Variants in SLC2A2 observed in about 807,000 individuals in gnomAD.
SLC2A2 encodes solute carrier family 2, facilitated glucose transporter member 2.
Under a neutral mutation model 54.5 loss-of-function variants are expected in SLC2A2, and 36 were observed. The observed-to-expected ratio is 0.66, with a 90% CI of 0.51 to 0.87. The LOEUF (loss-of-function observed/expected upper bound fraction) is 0.87. Among genes scored for constraint, SLC2A2 ranks in the 40% least tolerant of loss-of-function variants. The pLI, the probability that SLC2A2 is intolerant of heterozygous loss-of-function variation, is 0.00. For missense variants in SLC2A2, 543 were observed against 624.3 expected (o/e 0.87, Z 1.39); for synonymous variants, 223 against 219.1 (o/e 1.02, Z -0.16).
rs915476845 is a variant in SLC2A2, at chr3:171,005,658, G to A, written c.776-186C>T. Reference sequence around the variant, plus strand: ...ATTTAAAAGAAAAATAGAACATTTGGCTTCATCTTATGACAAATAAAACTA... The same window carrying A: ...ATTTAAAAGAAAAATAGAACATTTGACTTCATCTTATGACAAATAAAACTA... On this transcript the variant is annotated intron_variant, in intron 6 of 10. Coordinates refer to ENST00000314251, the MANE Select transcript of SLC2A2 (RefSeq NM_000340.2). 3.1e-4 allele frequency among the ~76,000 whole-genome samples: 47 copies of A among 151,952 alleles called. 1 individual carries two copies. The highest frequency in any genetic ancestry group is 1.0e-3 in the African/African-American group (42 of 41,460).
Position 171,014,436 on chromosome 3 carries a change from TTC to T in SLC2A2, c.371+31_371+32del, listed in dbSNP as rs1716030582. On this transcript the variant is annotated intron_variant, in intron 3 of 10. Transcript: ENST00000314251. ...GTTAGGAAAATGAAAATATGAAAGT[TTC>T]TGTTTATGCTTATTTATGAAATTTG... 2.5e-6 allele frequency: 4 copies of T among 1,608,444 alleles called. No individual in the cohort carries two copies. The East Asian group carries it at 6.7e-5, about 27-fold the overall frequency.
chr3:170,999,296 C>T, intron 8 of SLC2A2, 130 bp from the exon 9 acceptor site: 1 of 709,370 alleles, frequency 1.4e-6, no homozygotes, highest in Non-Finnish European at 2.6e-6. Context: ...TCCATCCTTC[C>T]ATTTTACAGG....
At chr3:171,002,390 A>G (rs771779010) in intron 8 of SLC2A2, among the ~76,000 whole-genome samples, 186 bp downstream of exon 8, 3 of 152,060 alleles carry the variant, frequency 2.0e-5, no homozygotes, top group Non-Finnish European at 2.9e-5. Context: ...CACCTCAGTT[A>G]TGCCTAATCT....
chr3:171,007,155 A>G lies in SLC2A2; in HGVS notation c.605T>C (p.Ile202Thr). 1.2e-6 allele frequency: 2 copies of G among 1,606,948 alleles called. No homozygotes were observed. Among genetic ancestry groups the G allele is most frequent in the South Asian group, 2.2e-5 (2 of 90,930 alleles). The change falls in exon 5 of 11, where the codon ATT becomes ACT. Residue 202 changes from isoleucine (I) to threonine (T), a missense_variant. Physicochemically the swap from Ile to Thr is moderately conservative, Grantham distance 89. Transcript: ENST00000314251. ...HQLAIVTGILISQIIGLEFIL... is the reference protein window; with the variant it reads ...HQLAIVTGILTSQIIGLEFIL... Reference sequence around the variant, plus strand: ...AGGATGGGGAGTTTTTACCTGACTAATAAGAATGCCCGTGACGATGGCCAG... The same window carrying G: ...AGGATGGGGAGTTTTTACCTGACTAGTAAGAATGCCCGTGACGATGGCCAG...
At chr3:171,019,621 G>C (rs755358516) in intron 1 of SLC2A2, among the ~76,000 whole-genome samples, 2 of 152,050 alleles carry the variant, frequency 1.3e-5, no homozygotes, top group Non-Finnish European at 2.9e-5. Context: ...CCCAAATATC[G>C]TTCAATGGGA....
At chr3:171,020,873 G>C (rs1716428864) in intron 1 of SLC2A2, among the ~76,000 whole-genome samples, 1 of 151,322 alleles carries the variant, frequency 6.6e-6, no homozygotes, top group Non-Finnish European at 1.5e-5. Flanking sequence ...GACAAAGCAA[G>C]ACCCTGTCTC....
intron 3 of SLC2A2, 96 bp from the exon 4 acceptor site, chr3:171,010,178 G>C (rs937351742): frequency 4.7e-6 from 6 of 1,278,480 alleles, no homozygotes; most frequent in Non-Finnish European, 4.5e-6. Context: ...TAACCTAAGA[G>C]CAATTATTTT....
chr3:170,999,711 C>G (rs975565024), intron 8 of SLC2A2, among the ~76,000 whole-genome samples: 7 of 152,088 alleles, frequency 4.6e-5, no homozygotes, highest in Non-Finnish European at 1.0e-4. Flanking sequence ...ACTCACCTAG[C>G]AACATGTGGA....
intron 8 of SLC2A2, among the ~76,000 whole-genome samples, chr3:171,001,994 C>T (rs997842648): frequency 6.6e-6 from 1 of 151,786 alleles, no homozygotes; most frequent in African/African-American, 2.4e-5. Context: ...CTCACACATA[C>T]TCTCATGCAT....
intron 8 of SLC2A2, 28 bp downstream of exon 8, chr3:171,002,548 A>G (rs1715387733): frequency 7.1e-7 from 1 of 1,405,334 alleles, no homozygotes; most frequent in East Asian, 2.3e-5. Flanking sequence ...AGGAACAAGC[A>G]GAGTATTTAT....
chr3:171,010,202 A>G, intron 3 of SLC2A2, 120 bp from the exon 4 acceptor site: 3 of 1,065,716 alleles, frequency 2.8e-6, no homozygotes, highest in Non-Finnish European at 4.2e-6. Flanking sequence ...TTTGCTGTAA[A>G]AGCTAGTTGG....
Position 171,007,136 on chromosome 3 carries a change from G to T in SLC2A2, c.612+12C>A. The T allele has an allele frequency of 6.7e-7, 1 of 1,489,566 alleles. No individual in the cohort carries two copies. Among genetic ancestry groups the T allele is most frequent in the Non-Finnish European group, 9.4e-7 (1 of 1,067,666 alleles). The allele number at this position is 1,489,566 out of a possible 1,614,324, so 92.3% of individuals were successfully genotyped here. On this transcript the variant is annotated intron_variant, in intron 5 of 10. Coordinates refer to ENST00000314251, the MANE Select transcript of SLC2A2 (RefSeq NM_000340.2). ...ATGGGTGCAGTAGGGGATAAGGATG[G>T]GGAGTTTTTACCTGACTAATAAGAA...
At chr3:171,018,693 C>A in intron 1 of SLC2A2, 70 bp from the exon 2 acceptor site, 1 of 1,033,518 alleles carries the variant, frequency 9.7e-7, no homozygotes, top group Non-Finnish European at 1.5e-6. Flanking sequence ...TGTCAGGCTG[C>A]AGCTTAAACT....
intron 3 of SLC2A2, 79 bp downstream of exon 3, chr3:171,014,390 A>T (rs1716027891): frequency 1.4e-6 from 2 of 1,471,768 alleles, no homozygotes; most frequent in Admixed American, 3.3e-5. Flanking sequence ...AAGAAGAAAG[A>T]TAATATTTTT....
intron 8 of SLC2A2, among the ~76,000 whole-genome samples, chr3:170,999,936 T>G (rs1715269566): frequency 1.3e-5 from 2 of 152,096 alleles, no homozygotes; most frequent in South Asian, 4.2e-4. Context: ...GACCAGAGTT[T>G]GTTATACTCT....
intron 8 of SLC2A2, among the ~76,000 whole-genome samples, chr3:170,999,874 C>T (rs1247972011): frequency 6.6e-6 from 1 of 152,030 alleles, no homozygotes; most frequent in African/African-American, 2.4e-5. Flanking sequence ...GTCATTGATT[C>T]CTTTAGTTTT....
At chr3:171,008,478 A>T (rs1463054403) in intron 4 of SLC2A2, among the ~76,000 whole-genome samples, 2 of 152,268 alleles carry the variant, frequency 1.3e-5, no homozygotes, top group Admixed American at 1.3e-4. Context: ...AAGTCAAATT[A>T]TATTTCCTAT....
chr3:170,998,982 A>G, intron 9 of SLC2A2, 83 bp downstream of exon 9: 2 of 858,500 alleles, frequency 2.3e-6, no homozygotes, highest in Non-Finnish European at 4.1e-6. Flanking sequence ...ATTTTTGAAT[A>G]CAAAGCACTT....
At position 171,026,661 on chromosome 3, in the gene SLC2A2, C is replaced by G. The variant is rs200073044; in HGVS notation, c.10G>C (p.Asp4His). Reference protein sequence around the residue: MTEDKVTGTLVFTV... With the variant: MTEHKVTGTLVFTV... ...TGAATATAATGCTGCTTTACCTTATCTTCTGTCATTGTACTAGTTGGGAGT... is the reference window on the plus strand; with the variant it reads ...TGAATATAATGCTGCTTTACCTTATGTTCTGTCATTGTACTAGTTGGGAGT... The change falls in exon 1 of 11, where the codon GAT becomes CAT. Residue 4 changes from aspartate (D) to histidine (H), a missense_variant. Physicochemically the swap from Asp to His is moderately conservative, Grantham distance 81. Coordinates refer to ENST00000314251, the MANE Select transcript of SLC2A2 (RefSeq NM_000340.2). 7 of 1,613,196 alleles carry G rather than the reference C, an allele frequency of 4.3e-6. No individual in the cohort carries two copies. The Admixed American group carries it at 5.0e-5, about 12-fold the overall frequency.
Sources: allele counts gnomAD v4.1 joint callset (sites outside exome capture counted in the v4.1 genomes callset), GRCh38; gene constraint gnomAD v4.1.1; transcripts MANE v1.5; gene names NCBI Gene and HGNC (gene_info 2026-07-23, HGNC 2026-07-21).